The following ATP8A2 variants were observed in gnomAD, a reference collection of about 807,000 sequenced individuals.
The protein encoded by ATP8A2 is phospholipid-transporting ATPase IB.
A neutral mutation model predicts 165.6 loss-of-function variants in ATP8A2; 100 were observed. The observed-to-expected ratio is 0.60, with a 90% confidence interval of 0.51 to 0.71. The LOEUF (loss-of-function observed/expected upper bound fraction) is 0.71. Ranked by LOEUF, ATP8A2 falls within the 30% of genes least tolerant of loss-of-function variation. ATP8A2 has a pLI of 0.00. For synonymous variants in ATP8A2, 543 were observed against 548.8 expected (o/e 0.99, Z 0.15); for missense variants, 1,227 against 1,479.5 (o/e 0.83, Z 2.80).
rs763590559 is a variant in ATP8A2, at chr13:25,862,308, A to T, written c.3083A>T (p.His1028Leu). The T allele has an allele frequency of 6.2e-7, 1 of 1,613,944 alleles. No homozygotes were observed. The highest frequency in any genetic ancestry group is 1.7e-5 in the Admixed American group (1 of 60,024). The change falls in exon 33 of 37, where the codon CAT becomes CTT. Residue 1028 changes from histidine (H) to leucine (L), a missense_variant. Around this residue, in one of 5 missense-constraint regions of ATP8A2, gnomAD observed 260 missense variants for 245.1 expected, o/e 1.06. Transcript: ENST00000381655. ...LETTAWTKFS[H>L]LAVWGSMLTW... The stretch of plus-strand genomic sequence containing the variant: ...GTCTATTTCCCTCTGCAGTTCAGTC[A>T]TCTGGCTGTCTGGGGAAGCATGCTG...
intron 1 of ATP8A2, among the ~76,000 whole-genome samples, chr13:25,459,785 T>C (rs140149430): frequency 6.6e-6 from 1 of 152,198 alleles, no homozygotes; most frequent in African/African-American, 2.4e-5. Context: ...AAGAAGGTCA[T>C]CATGGGTGGG....
chr13:25,748,908 C>T (rs536161944), intron 25 of ATP8A2, among the ~76,000 whole-genome samples: 2 of 152,248 alleles, frequency 1.3e-5, no homozygotes, highest in African/African-American at 2.4e-5. Flanking sequence ...CCCCCCATCA[C>T]CACCATGTAT....
intron 27 of ATP8A2, among the ~76,000 whole-genome samples, chr13:25,823,801 T>G (rs1033068281): frequency 7.9e-5 from 12 of 152,222 alleles, no homozygotes; most frequent in Admixed American, 7.9e-4. Flanking sequence ...TTAGGGTATT[T>G]CAGAAAATTT....
At chr13:26,015,322 C>T (rs1956944613) in intron 36 of ATP8A2, among the ~76,000 whole-genome samples, 1 of 152,112 alleles carries the variant, frequency 6.6e-6, no homozygotes, top group African/African-American at 2.4e-5. Flanking sequence ...TATAGCAGGT[C>T]TCAGCCTTTG....
At chr13:25,710,158 A>G (rs1363865438) in intron 25 of ATP8A2, among the ~76,000 whole-genome samples, 1 of 152,216 alleles carries the variant, frequency 6.6e-6, no homozygotes, top group Non-Finnish European at 1.5e-5. Context: ...CTAATTGTAC[A>G]TATTTATGGG....
At chr13:25,790,749 A>T (rs1315663236) in intron 27 of ATP8A2, among the ~76,000 whole-genome samples, 1 of 152,114 alleles carries the variant, frequency 6.6e-6, no homozygotes, top group African/African-American at 2.4e-5. Context: ...AAAAGAAGAC[A>T]TACACAGTGG....
chr13:25,524,886 ACTTCCTTCCTTCCTTCCTTCCTTCCTTC>A (rs58154499), intron 2 of ATP8A2, among the ~76,000 whole-genome samples: 16 of 141,724 alleles, frequency 1.1e-4, no homozygotes, highest in South Asian at 2.4e-4. Context: ...TTGTTTGATA[ACTTCCTTCCTTCCTTCCTTCCTTCCTTC>A]CTTCCTTCCT....
chr13:25,716,076 T>C (rs2043248886), intron 25 of ATP8A2, among the ~76,000 whole-genome samples: 1 of 152,238 alleles, frequency 6.6e-6, no homozygotes, highest in Non-Finnish European at 1.5e-5. Flanking sequence ...TGATTAAAGA[T>C]GTTGAACAAC....
At chr13:25,691,991 A>G (rs1157696903) in intron 24 of ATP8A2, among the ~76,000 whole-genome samples, 1 of 152,212 alleles carries the variant, frequency 6.6e-6, no homozygotes, top group Non-Finnish European at 1.5e-5. Context: ...TTGGAAATGA[A>G]CATGATAGTA....
At chr13:25,757,410 A>G (rs2044285957) in intron 25 of ATP8A2, among the ~76,000 whole-genome samples, 3 of 152,142 alleles carry the variant, frequency 2.0e-5, no homozygotes, top group Admixed American at 2.0e-4. Context: ...ATGGCAGGTC[A>G]TTTTGTTACA....
chr13:25,697,550 G>A (rs1221940571), intron 24 of ATP8A2, among the ~76,000 whole-genome samples: 1 of 152,146 alleles, frequency 6.6e-6, no homozygotes, highest in Non-Finnish European at 1.5e-5. Context: ...CAGAGTGCTG[G>A]GATTATAGGC....
At chr13:25,973,305 C>T (rs549413471) in intron 35 of ATP8A2, among the ~76,000 whole-genome samples, 21 of 152,112 alleles carry the variant, frequency 1.4e-4, no homozygotes, top group African/African-American at 3.6e-4. Flanking sequence ...CCCTGTGACC[C>T]GGGGTAATCT....
intron 24 of ATP8A2, among the ~76,000 whole-genome samples, chr13:25,593,331 C>A (rs1402427790): frequency 6.6e-6 from 1 of 152,144 alleles, no homozygotes; most frequent in African/African-American, 2.4e-5. Flanking sequence ...CCACACCTGG[C>A]CCCTATCAGT....
chr13:25,675,737 T>A (rs535160585), intron 24 of ATP8A2, among the ~76,000 whole-genome samples: 1 of 152,282 alleles, frequency 6.6e-6, no homozygotes, highest in South Asian at 2.1e-4. Flanking sequence ...GAAAATACTC[T>A]CCTGGGTTGT....
At chr13:25,465,447 C>T (rs1019281935) in intron 1 of ATP8A2, among the ~76,000 whole-genome samples, 28 of 151,984 alleles carry the variant, frequency 1.8e-4, no homozygotes, top group African/African-American at 6.8e-4. Context: ...TATTCCACTT[C>T]ATTCTGTCAT....
intron 24 of ATP8A2, among the ~76,000 whole-genome samples, chr13:25,670,303 A>G (rs921955389): frequency 2.6e-5 from 4 of 152,172 alleles, no homozygotes; most frequent in Non-Finnish European, 5.9e-5. Context: ...AATATTTTCA[A>G]TGAAACATGC....
In ATP8A2 at chr13:25,553,773, A is replaced by C. The variant is rs199564682; in HGVS notation, c.1058-20A>C. 1,124 of 1,606,278 alleles carry C rather than the reference A, an allele frequency of 7.0e-4. 1 individual carries two copies. Among genetic ancestry groups the C allele is most frequent in the Middle Eastern group, 1.2e-3 (7 of 6,020 alleles). On this transcript the variant is annotated intron_variant, in intron 11 of 36. Coordinates refer to ENST00000381655, the MANE Select transcript of ATP8A2 (RefSeq NM_016529.6). ...CTTTGGTTGTGAACACCTTTCAGAT[A>C]CTCTGGTTTCCTTCCACAGACACCA... is the stretch of plus-strand genomic sequence containing the variant.
chr13:25,782,115 T>C (rs2044895101), intron 27 of ATP8A2, among the ~76,000 whole-genome samples: 1 of 152,232 alleles, frequency 6.6e-6, no homozygotes, highest in African/African-American at 2.4e-5. Context: ...TAACTATACC[T>C]CAAAACAATG....
chr13:25,711,561 A>AT (rs1566068979), intron 25 of ATP8A2, among the ~76,000 whole-genome samples: 8 of 147,812 alleles, frequency 5.4e-5, no homozygotes, highest in Non-Finnish European at 9.1e-5. Context: ...AAAAAAAAAA[A>AT]ATTTTTTTTA....
Sources: gnomAD v4.1 joint callset for allele counts (sites outside exome capture counted in the v4.1 genomes callset) on GRCh38, gnomAD v4.1.1 for gene constraint, gnomAD v4.1.1 regional missense constraint, MANE v1.5 for transcripts, NCBI Gene and HGNC (gene_info 2026-07-23, HGNC 2026-07-21) for gene names.